Variants in NEDD9 observed in about 807,000 individuals in gnomAD.
NEDD9 encodes the protein neural precursor cell expressed, developmentally down-regulated 9.
Under a neutral mutation model 76.6 loss-of-function variants are expected in NEDD9, and 26 were observed. That is an observed-to-expected ratio of 0.34 (90% confidence interval 0.25 to 0.47). The LOEUF (loss-of-function observed/expected upper bound fraction) is 0.47. Ranked by LOEUF, NEDD9 falls within the 20% of genes least tolerant of loss-of-function variation. The probability of loss-of-function intolerance (pLI) is 1.00; values close to 1 mark genes in which losing one functional copy is unlikely to be tolerated. For missense variants in NEDD9, 937 were observed against 1,058.5 expected (o/e 0.89, Z 1.59); for synonymous variants, 392 against 414.2 (o/e 0.95, Z 0.65).
At chr6:11,201,230 C>A (rs1758445151) in intron 2 of NEDD9, among the ~76,000 whole-genome samples, 1 of 152,212 alleles carries the variant, frequency 6.6e-6, no homozygotes, top group Non-Finnish European at 1.5e-5. Context: ...GTGGTCAGAA[C>A]TTCAACTTCT....
intron 3 of NEDD9, among the ~76,000 whole-genome samples, chr6:11,299,956 C>T (rs1342194557): frequency 6.6e-6 from 1 of 152,164 alleles, no homozygotes; most frequent in Non-Finnish European, 1.5e-5. Context: ...CTCTTCTCCT[C>T]CAAAGGATTG....
rs1026557538 is a variant in NEDD9, at chr6:11,241,667, C to G, written c.13-27940G>C. 6.6e-6 allele frequency among the ~76,000 whole-genome samples: 1 copy of G among 152,164 alleles called. No homozygotes were observed. On this transcript the variant is annotated intron_variant, in intron 3 of 3. Transcript: ENST00000397378. The surrounding 1 kb of genome is among the most constrained non-coding windows in gnomAD (Gnocchi z 4.0). ...GAGTGTTTTAAACACCAAATGGCCA[C>G]TAGTAATGCCCAGGGTACCTCATTT...
chr6:11,345,487 A>G (rs1051067076), intron 1 of NEDD9, among the ~76,000 whole-genome samples: 3 of 151,052 alleles, frequency 2.0e-5, no homozygotes, highest in African/African-American at 7.4e-5. Context: ...TGTGTGTGCT[A>G]CATTTGAACA....
chr6:11,319,018 T>C (rs1427992710), intron 2 of NEDD9, among the ~76,000 whole-genome samples: 1 of 152,258 alleles, frequency 6.6e-6, no homozygotes, highest in Non-Finnish European at 1.5e-5. Flanking sequence ...TATTGGGCCT[T>C]AGAGTTCATT....
chr6:11,310,072 A>G (rs1662238806), intron 2 of NEDD9, among the ~76,000 whole-genome samples: 1 of 152,160 alleles, frequency 6.6e-6, no homozygotes, highest in South Asian at 2.1e-4. Flanking sequence ...TCCCCAGAGC[A>G]TGCTCTGAGC....
chr6:11,299,827 A>G (rs1314859590), intron 3 of NEDD9, among the ~76,000 whole-genome samples: 1 of 152,226 alleles, frequency 6.6e-6, no homozygotes, highest in African/African-American at 2.4e-5. Flanking sequence ...AACAAAAAGG[A>G]CATCCACACC....
At chr6:11,232,288 G>C (rs943872877) in intron 1 of NEDD9, among the ~76,000 whole-genome samples, 4 of 152,208 alleles carry the variant, frequency 2.6e-5, no homozygotes, top group African/African-American at 7.2e-5. Flanking sequence ...TTTCAGAGCA[G>C]ATGGACTCGG....
At chr6:11,307,404 C>G (rs1761218598) in intron 2 of NEDD9, among the ~76,000 whole-genome samples, 1 of 152,182 alleles carries the variant, frequency 6.6e-6, no homozygotes, top group Admixed American at 6.5e-5. Context: ...AGGCCCATGA[C>G]TCATTTGCTC....
chr6:11,263,982 C>T (rs1269153126), intron 3 of NEDD9, among the ~76,000 whole-genome samples: 1 of 152,150 alleles, frequency 6.6e-6, no homozygotes, highest in East Asian at 1.9e-4. Flanking sequence ...TGAACACGGG[C>T]ATATTCCTTA....
At chr6:11,299,600 G>A (rs956994484) in intron 3 of NEDD9, among the ~76,000 whole-genome samples, 5 of 152,208 alleles carry the variant, frequency 3.3e-5, no homozygotes, top group Admixed American at 3.3e-4. Flanking sequence ...ACACTTCCCA[G>A]TAGGGGCCAA....
At chr6:11,262,245 A>G (rs1462671716) in intron 3 of NEDD9, among the ~76,000 whole-genome samples, 1 of 152,220 alleles carries the variant, frequency 6.6e-6, no homozygotes, top group Non-Finnish European at 1.5e-5. Flanking sequence ...GGAAATTAGC[A>G]AGAAACTTCC....
At chr6:11,357,133 G>C (rs1762592610) in intron 1 of NEDD9, among the ~76,000 whole-genome samples, 1 of 152,094 alleles carries the variant, frequency 6.6e-6, no homozygotes, top group Non-Finnish European at 1.5e-5. Context: ...ATTCCTTCCA[G>C]GCTTTCTTTA....
intron 3 of NEDD9, among the ~76,000 whole-genome samples, chr6:11,280,693 C>T (rs1760518729): frequency 6.6e-6 from 1 of 152,230 alleles, no homozygotes. Context: ...TGGCTATGTC[C>T]CTCAACCAAT....
intron 3 of NEDD9, among the ~76,000 whole-genome samples, chr6:11,292,643 A>G (rs935459335): frequency 2.6e-5 from 4 of 152,238 alleles, no homozygotes; most frequent in African/African-American, 9.7e-5. Flanking sequence ...TAACTCAATA[A>G]AATGACATCT....
intron 3 of NEDD9, among the ~76,000 whole-genome samples, chr6:11,260,373 T>G (rs1760083982): frequency 6.6e-6 from 1 of 152,192 alleles, no homozygotes; most frequent in Non-Finnish European, 1.5e-5. Context: ...GGAATTGGTT[T>G]CAAATCCAGA....
intron 1 of NEDD9, among the ~76,000 whole-genome samples, chr6:11,350,906 C>T (rs1000797032): frequency 3.3e-5 from 5 of 152,200 alleles, no homozygotes; most frequent in African/African-American, 1.2e-4. Flanking sequence ...GAGGTGCAGT[C>T]TTTCCACACC....
intron 1 of NEDD9, among the ~76,000 whole-genome samples, chr6:11,350,554 C>A (rs1429906466): frequency 1.3e-5 from 2 of 152,238 alleles, no homozygotes; most frequent in Non-Finnish European, 2.9e-5. Flanking sequence ...TTGGCAACTT[C>A]CTCCGTGACT....
intron 1 of NEDD9, among the ~76,000 whole-genome samples, chr6:11,379,976 G>C (rs1763033144): frequency 6.6e-6 from 1 of 152,226 alleles, no homozygotes; most frequent in African/African-American, 2.4e-5. Flanking sequence ...ACAAAGTGAA[G>C]GTCATTTGCA....
rs561607890 is a variant in NEDD9, at chr6:11,266,925, C to T, written c.12+39067G>A. Among the ~76,000 whole-genome samples, 3 of 152,278 alleles carry T rather than the reference C, an allele frequency of 2.0e-5. No individual in the cohort carries two copies. The South Asian group carries it at 6.2e-4, about 32-fold the overall frequency. Reference sequence around the variant, plus strand: ...TGTGTGTAGGGAATGAATTACCCTCCTCTCATTCACTTTAAGGACCATTTA... The same window carrying T: ...TGTGTGTAGGGAATGAATTACCCTCTTCTCATTCACTTTAAGGACCATTTA... On this transcript the variant is annotated intron_variant, in intron 3 of 3. Coordinates refer to the NEDD9 transcript ENST00000397378.
Sources: gnomAD v4.1 joint callset for allele counts (sites outside exome capture counted in the v4.1 genomes callset) on GRCh38, gnomAD v4.1.1 for gene constraint, Gnocchi (gnomAD v3.1) non-coding constraint, MANE v1.5 for transcripts, NCBI Gene and HGNC (gene_info 2026-07-23, HGNC 2026-07-21) for gene names.